Variants in LRRC4C observed in about 807,000 individuals in gnomAD.
The protein encoded by LRRC4C is leucine rich repeat containing 4C.
In LRRC4C, 5 loss-of-function variants were observed where a neutral mutation model predicts 33.6. That is an observed-to-expected ratio of 0.15 (90% CI 0.08 to 0.31). The LOEUF (loss-of-function observed/expected upper bound fraction) is 0.31, where lower values mean the gene tolerates loss of function less well. Among genes scored for constraint, LRRC4C ranks in the 10% least tolerant of loss-of-function variants. The pLI is 1.00. For synonymous variants in LRRC4C, 329 were observed against 302.0 expected, an observed-to-expected ratio of 1.09 and a Z score of -0.93; for missense variants, 560 against 796.7, an observed-to-expected ratio of 0.70 and a Z score of 3.58.
At chr11:40,753,446 A>G (rs1277363713) in intron 2 of LRRC4C, among the ~76,000 whole-genome samples, 1 of 151,872 alleles carries the variant, frequency 6.6e-6, no homozygotes, top group African/African-American at 2.4e-5. Context: ...ATAAAAAACC[A>G]ATATATGCTT....
intron 1 of LRRC4C, among the ~76,000 whole-genome samples, chr11:40,996,927 T>G (rs1196607531): frequency 1.3e-5 from 2 of 152,106 alleles, no homozygotes; most frequent in East Asian, 3.9e-4. Flanking sequence ...AGGCCCCACC[T>G]CCAACACTGG....
intron 2 of LRRC4C, among the ~76,000 whole-genome samples, chr11:40,917,146 A>G (rs1311058757): frequency 6.6e-6 from 1 of 152,126 alleles, no homozygotes; most frequent in Non-Finnish European, 1.5e-5. Flanking sequence ...CATAGGTCTT[A>G]AATTCAACAG....
intron 1 of LRRC4C, among the ~76,000 whole-genome samples, chr11:41,065,785 G>T (rs576445413): frequency 6.2e-4 from 94 of 152,246 alleles, no homozygotes; most frequent in Non-Finnish European, 1.1e-3. Flanking sequence ...GTCTGGAGTG[G>T]ACCCCCAGCA....
At chr11:41,214,622 C>T (rs1343532292) in intron 1 of LRRC4C, among the ~76,000 whole-genome samples, 21 of 142,006 alleles carry the variant, frequency 1.5e-4, no homozygotes, top group African/African-American at 5.7e-4. Flanking sequence ...TGGTGGCGGG[C>T]GCCTGTAGTC....
chr11:40,378,678 T>G (rs1418105867), intron 3 of LRRC4C, among the ~76,000 whole-genome samples: 1 of 152,032 alleles, frequency 6.6e-6, no homozygotes, highest in Non-Finnish European at 1.5e-5. Context: ...AGATGTCAGG[T>G]TTGCCTTACA....
chr11:40,575,624 T>C (rs1169664121), intron 3 of LRRC4C, among the ~76,000 whole-genome samples: 1 of 152,208 alleles, frequency 6.6e-6, no homozygotes, highest in African/African-American at 2.4e-5. Context: ...ATTAGCTCTA[T>C]GAATTTAAGC....
chr11:41,366,502 A>G (rs1033583051), intron 1 of LRRC4C, among the ~76,000 whole-genome samples: 1 of 152,190 alleles, frequency 6.6e-6, no homozygotes, highest in African/African-American at 2.4e-5. Context: ...ATTTTAAAAT[A>G]TAATTTAATT....
chr11:40,240,098 C>T (rs1358548293), intron 5 of LRRC4C, among the ~76,000 whole-genome samples: 1 of 152,124 alleles, frequency 6.6e-6, no homozygotes. Context: ...ATTTCATTTG[C>T]TTCCTGGCAG....
chr11:40,616,761 G>A (rs1232704467), intron 3 of LRRC4C, among the ~76,000 whole-genome samples: 4 of 151,816 alleles, frequency 2.6e-5, no homozygotes, highest in Non-Finnish European at 5.9e-5. Context: ...GTCCTGTTGT[G>A]GGGAGAGGGG....
intron 1 of LRRC4C, among the ~76,000 whole-genome samples, chr11:41,309,091 C>A (rs545254939): frequency 6.6e-6 from 1 of 152,156 alleles, no homozygotes; most frequent in Non-Finnish European, 1.5e-5. Context: ...CATCACACAC[C>A]GGGGCTCCAG....
At chr11:41,304,205 C>T (rs1427001501) in intron 1 of LRRC4C, among the ~76,000 whole-genome samples, 5 of 113,986 alleles carry the variant, frequency 4.4e-5, no homozygotes, top group Admixed American at 8.6e-5. Context: ...CCAGCCGCCC[C>T]GTCCGGGAGG....
intron 3 of LRRC4C, among the ~76,000 whole-genome samples, chr11:40,488,515 A>G (rs1953986023): frequency 1.3e-5 from 2 of 152,094 alleles, no homozygotes; most frequent in Admixed American, 6.6e-5. Context: ...TTCTCCAAGA[A>G]CAGGAACTTT....
chr11:40,194,566 G>A (rs1454567461), intron 5 of LRRC4C, among the ~76,000 whole-genome samples: 1 of 150,184 alleles, frequency 6.7e-6, no homozygotes, highest in Non-Finnish European at 1.5e-5. Context: ...TGGGAGCTGA[G>A]CAATGAGAAC....
At chr11:40,386,605 T>C (rs1949121228) in intron 3 of LRRC4C, among the ~76,000 whole-genome samples, 1 of 152,204 alleles carries the variant, frequency 6.6e-6, no homozygotes, top group South Asian at 2.1e-4. Context: ...CTAGAAATTA[T>C]TTGCTATTGT....
rs143739018 is a variant in LRRC4C at position 40,251,009 on chromosome 11, G to A, written c.-175-9411C>T. Among the ~76,000 whole-genome samples the A allele has an allele frequency of 4.6e-5, 7 of 152,162 alleles. No homozygotes were observed. In the East Asian group the frequency reaches 1.4e-3, roughly 30 times the overall value. On this transcript the variant is annotated intron_variant, in intron 4 of 6. Coordinates refer to ENST00000528697, the MANE Select transcript of LRRC4C (RefSeq NM_001258419.2). ...GATAGAATTGTCTTTTCATGTTTAG[G>A]TAGTTTTAAATCCGTGAAAATCTGC...
intron 3 of LRRC4C, among the ~76,000 whole-genome samples, chr11:40,606,340 A>G (rs1960585609): frequency 6.6e-6 from 1 of 152,230 alleles, no homozygotes; most frequent in Non-Finnish European, 1.5e-5. Context: ...CAAACTGGAA[A>G]TGTGCACACA....
intron 5 of LRRC4C, among the ~76,000 whole-genome samples, chr11:40,187,135 C>T (rs1037023408): frequency 1.3e-5 from 2 of 152,144 alleles, no homozygotes; most frequent in African/African-American, 4.8e-5. Context: ...TTCAACCACT[C>T]AGCAGTGGGG....
intron 4 of LRRC4C, among the ~76,000 whole-genome samples, chr11:40,256,364 C>A (rs1867202697): frequency 6.6e-6 from 1 of 152,080 alleles, no homozygotes; most frequent in African/African-American, 2.4e-5. Context: ...GATGACAATC[C>A]TACAGGGTTG....
intron 3 of LRRC4C, among the ~76,000 whole-genome samples, chr11:40,473,164 AG>A (rs1432991126): frequency 2.0e-5 from 3 of 152,222 alleles, no homozygotes; most frequent in Non-Finnish European, 4.4e-5. Flanking sequence ...AAAGAATTTC[AG>A]GCCAATATCC....
Sources: gnomAD v4.1 joint callset for allele counts (sites outside exome capture counted in the v4.1 genomes callset) on GRCh38, gnomAD v4.1.1 for gene constraint, MANE v1.5 for transcripts, NCBI Gene and HGNC (gene_info 2026-07-23, HGNC 2026-07-21) for gene names.